GRM7: variants seen among roughly 807,000 people sequenced by gnomAD.
GRM7 encodes the protein glutamate metabotropic receptor 7.
In GRM7, 35 loss-of-function variants were observed where a neutral mutation model predicts 84.5. The observed-to-expected ratio is 0.41, with a 90% CI of 0.32 to 0.55. The LOEUF is 0.55. Ranked by LOEUF, GRM7 falls within the 20% of genes least tolerant of loss-of-function variation. The probability of loss-of-function intolerance (pLI) is 0.19; values close to 1 mark genes in which losing one functional copy is unlikely to be tolerated. For synonymous variants in GRM7, 487 were observed against 455.1 expected (o/e 1.07, Z -0.89); for missense variants, 1,003 against 1,194.6 (o/e 0.84, Z 2.36).
rs142935332 is a variant in GRM7 at position 6,903,263 on chromosome 3, A to G, written c.519+41356A>G. ...CAGCTTAATTCCTTTTTTCTCTCCTATGTAGCATTATTGCATTCTTTGAGT... is the reference window on the plus strand; with the variant it reads ...CAGCTTAATTCCTTTTTTCTCTCCTGTGTAGCATTATTGCATTCTTTGAGT... On this transcript the variant is annotated intron_variant, in intron 1 of 9. Transcript: ENST00000357716. Among the ~76,000 whole-genome samples, 19 of 145,562 alleles carry G rather than the reference A, an allele frequency of 1.3e-4. No homozygotes were observed. In the East Asian group the frequency reaches 3.6e-3, roughly 28 times the overall value.
chr3:7,632,268 G>C (rs1286889623), intron 8 of GRM7, among the ~76,000 whole-genome samples: 2 of 152,242 alleles, frequency 1.3e-5, no homozygotes, highest in African/African-American at 4.8e-5. Context: ...TTTCCCCCGT[G>C]GTATAGAGAC....
At chr3:6,941,308 T>C (rs1697885909) in intron 1 of GRM7, among the ~76,000 whole-genome samples, 1 of 152,132 alleles carries the variant, frequency 6.6e-6, no homozygotes, top group Non-Finnish European at 1.5e-5. Flanking sequence ...AACGTCTCTA[T>C]TTTTTACCCT....
chr3:7,439,805 A>G (rs566554481), intron 5 of GRM7, among the ~76,000 whole-genome samples: 1 of 152,324 alleles, frequency 6.6e-6, no homozygotes, highest in East Asian at 1.9e-4. Flanking sequence ...GAAGTATTTG[A>G]AAACTGGGAT....
intron 1 of GRM7, among the ~76,000 whole-genome samples, chr3:6,985,099 T>G (rs986542892): frequency 7.9e-5 from 12 of 152,130 alleles, no homozygotes; most frequent in East Asian, 5.8e-4. Flanking sequence ...TGTAGGTACA[T>G]AGTAGACATA....
intron 1 of GRM7, among the ~76,000 whole-genome samples, chr3:6,981,670 C>T (rs999931327): frequency 2.0e-5 from 3 of 152,082 alleles, no homozygotes; most frequent in Non-Finnish European, 4.4e-5. Flanking sequence ...GAGAGAACTG[C>T]TTGGTTTCTA....
At chr3:7,378,072 C>G (rs1694431345) in intron 4 of GRM7, among the ~76,000 whole-genome samples, 1 of 152,172 alleles carries the variant, frequency 6.6e-6, no homozygotes, top group Admixed American at 6.6e-5. Context: ...TGACTCTAAT[C>G]TCATTTCTAG....
intron 4 of GRM7, among the ~76,000 whole-genome samples, chr3:7,398,402 G>A (rs1166274653): frequency 2.0e-5 from 3 of 152,116 alleles, no homozygotes; most frequent in Non-Finnish European, 4.4e-5. Flanking sequence ...GAACCAGGAT[G>A]AATGCACAGA....
intron 2 of GRM7, among the ~76,000 whole-genome samples, chr3:7,165,476 G>A (rs960294236): frequency 3.3e-5 from 5 of 152,178 alleles, no homozygotes; most frequent in African/African-American, 1.2e-4. Context: ...GTTGGGTCAG[G>A]TTTGGTTTAA....
At chr3:7,033,132 C>G (rs1307410434) in intron 1 of GRM7, among the ~76,000 whole-genome samples, 1 of 152,078 alleles carries the variant, frequency 6.6e-6, no homozygotes, top group South Asian at 2.1e-4. Context: ...GTAAATGCAT[C>G]GCTCCAATTT....
intron 8 of GRM7, among the ~76,000 whole-genome samples, chr3:7,610,944 T>C (rs775870023): frequency 2.0e-5 from 3 of 152,176 alleles, no homozygotes; most frequent in Non-Finnish European, 4.4e-5. Flanking sequence ...AGTTAATGTA[T>C]AATATTTTTT....
chr3:7,480,209 C>T (rs1699075561), intron 7 of GRM7, among the ~76,000 whole-genome samples: 1 of 152,170 alleles, frequency 6.6e-6, no homozygotes, highest in South Asian at 2.1e-4. Context: ...AAGAACTAAG[C>T]ATGCACAACT....
At chr3:6,956,648 T>C (rs1463226767) in intron 1 of GRM7, 1 of 456,712 alleles carries the variant, frequency 2.2e-6, no homozygotes, top group South Asian at 1.5e-5. Flanking sequence ...TTTCTGTGCA[T>C]GTTTACCTGC....
chr3:7,020,723 A>G (rs530629753), intron 1 of GRM7, among the ~76,000 whole-genome samples: 1 of 152,190 alleles, frequency 6.6e-6, no homozygotes, highest in African/African-American at 2.4e-5. Flanking sequence ...TATATTTACA[A>G]TTTTAATTTA....
Position 7,461,592 on chromosome 3 carries a change from G to A in GRM7, c.1385G>A (p.Gly462Asp). 5 of 1,612,044 alleles carry A rather than the reference G, an allele frequency of 3.1e-6. No homozygotes were observed. The highest frequency in any genetic ancestry group is 4.2e-6 in the Non-Finnish European group (5 of 1,178,274). Reference sequence around the variant, plus strand: ...TTTCTGTCTTCCTTAGGTAGTGCTGGCACTCCAGTGATGTTTAACAAGAAC... The same window carrying A: ...TTTCTGTCTTCCTTAGGTAGTGCTGACACTCCAGTGATGTTTAACAAGAAC... Reference protein sequence around the residue: ...IRNVNFNGSAGTPVMFNKNGD... With the variant: ...IRNVNFNGSADTPVMFNKNGD... Residue 462 changes from glycine (G) to aspartate (D), a missense_variant, in exon 7 of 10, where the codon GGC (glycine) becomes GAC (aspartate). By Grantham distance (94) the Gly-to-Asp change is moderately conservative. Coordinates refer to ENST00000357716, the MANE Select transcript of GRM7 (RefSeq NM_000844.4).
intron 4 of GRM7, among the ~76,000 whole-genome samples, chr3:7,406,432 G>T (rs571406167): frequency 5.3e-5 from 8 of 150,622 alleles, no homozygotes; most frequent in South Asian, 2.1e-4. Context: ...CCCGGGGGAC[G>T]GAGCTTGCAG....
intron 2 of GRM7, among the ~76,000 whole-genome samples, chr3:7,176,057 A>T (rs985216945): frequency 2.6e-5 from 4 of 151,950 alleles, no homozygotes; most frequent in African/African-American, 9.7e-5. Context: ...TACTTTATCC[A>T]GTTCAAAATA....
At chr3:7,266,685 C>A (rs1006426089) in intron 2 of GRM7, among the ~76,000 whole-genome samples, 4 of 152,116 alleles carry the variant, frequency 2.6e-5, no homozygotes, top group Non-Finnish European at 4.4e-5. Flanking sequence ...TATAAATTTA[C>A]TATAACCCAG....
chr3:7,731,569 G>A (rs1003742311), intron 9 of GRM7, among the ~76,000 whole-genome samples: 2 of 152,168 alleles, frequency 1.3e-5, no homozygotes, highest in African/African-American at 4.8e-5. Context: ...AATAGGCCTT[G>A]CCCAAAACTC....
chr3:7,411,391 C>G (rs927213813), intron 4 of GRM7, among the ~76,000 whole-genome samples: 3 of 152,178 alleles, frequency 2.0e-5, no homozygotes, highest in East Asian at 3.9e-4. Flanking sequence ...ACCACCCAAT[C>G]AAGAATACTA....
Sources: allele counts gnomAD v4.1 joint callset (sites outside exome capture counted in the v4.1 genomes callset), GRCh38; gene constraint gnomAD v4.1.1; transcripts MANE v1.5; gene names NCBI Gene and HGNC (gene_info 2026-07-23, HGNC 2026-07-21).